Variants in TMEM63C observed in about 807,000 individuals in gnomAD.
The protein encoded by TMEM63C is osmosensitive cation channel TMEM63C.
In TMEM63C, 32 loss-of-function variants were observed where a neutral mutation model predicts 99.2. The ratio of observed to expected loss-of-function variants is 0.32; its 90% CI spans 0.24 to 0.43. The LOEUF is 0.43. Ranked by LOEUF, TMEM63C falls within the 20% of genes least tolerant of loss-of-function variation. The pLI is 1.00. For missense variants in TMEM63C, 826 were observed against 1,053.0 expected (o/e 0.78, Z 2.98); for synonymous variants, 376 against 397.9 (o/e 0.94, Z 0.66).
At chr14:77,203,670 C>T (rs1213858900) in intron 1 of TMEM63C, among the ~76,000 whole-genome samples, 1 of 152,278 alleles carries the variant, frequency 6.6e-6, no homozygotes, top group Non-Finnish European at 1.5e-5. Flanking sequence ...GGATCCCTGC[C>T]TCTTCAGCAC....
At chr14:77,198,325 G>A (rs766185703) in intron 1 of TMEM63C, among the ~76,000 whole-genome samples, 3 of 152,254 alleles carry the variant, frequency 2.0e-5, no homozygotes, top group Non-Finnish European at 2.9e-5. Context: ...CCCTCTGGCG[G>A]AAGAGAGGCC....
intron 2 of TMEM63C, among the ~76,000 whole-genome samples, chr14:77,214,747 T>A (rs772946829): frequency 6.6e-6 from 1 of 152,034 alleles, no homozygotes; most frequent in Non-Finnish European, 1.5e-5. Flanking sequence ...ATCCTTCTGA[T>A]ACTCAGCCGC....
intron 20 of TMEM63C, 86 bp from the exon 21 acceptor site, chr14:77,249,204 TG>T: frequency 1.4e-6 from 2 of 1,402,480 alleles, no homozygotes; most frequent in Non-Finnish European, 2.0e-6. Flanking sequence ...GCCGTGGATC[TG>T]GCTTCTCAGG....
intron 6 of TMEM63C, among the ~76,000 whole-genome samples, chr14:77,225,993 A>G (rs1888814488): frequency 6.6e-6 from 1 of 152,104 alleles, no homozygotes; most frequent in Non-Finnish European, 1.5e-5. Flanking sequence ...TTTCTCCTGC[A>G]AGCTGACCTC....
intron 10 of TMEM63C, among the ~76,000 whole-genome samples, chr14:77,239,175 G>A (rs1221968794): frequency 1.3e-5 from 2 of 152,240 alleles, no homozygotes; most frequent in Non-Finnish European, 2.9e-5. Context: ...GTTCCCCAGT[G>A]GGTGGAGCTC....
At position 77,196,823 on chromosome 14, in the gene TMEM63C, T is replaced by A. The variant is rs766343406; in HGVS notation, c.-77+14929T>A. On this transcript the variant is annotated intron_variant, in intron 1 of 23. Transcript: ENST00000298351. ...CTCAGAGGAATCAGGTGTAATCTTGTCAAAACAGCGCGGGAAGCCCTTTGG... is the reference window on the plus strand; with the variant it reads ...CTCAGAGGAATCAGGTGTAATCTTGACAAAACAGCGCGGGAAGCCCTTTGG... Among the ~76,000 whole-genome samples the A allele has an allele frequency of 1.6e-4, 25 of 152,176 alleles. 1 individual carries two copies. Among genetic ancestry groups the A allele is most frequent in the Admixed American group, 1.3e-4 (2 of 15,280 alleles).
intron 1 of TMEM63C, among the ~76,000 whole-genome samples, chr14:77,192,556 A>G (rs183160486): frequency 8.8e-4 from 134 of 152,314 alleles, no homozygotes; most frequent in African/African-American, 3.1e-3. Flanking sequence ...GCCCTACCAC[A>G]ATCCCTACAT....
At chr14:77,218,208 C>A (rs1355344622) in intron 2 of TMEM63C, among the ~76,000 whole-genome samples, 1 of 144,400 alleles carries the variant, frequency 6.9e-6, no homozygotes, top group Non-Finnish European at 1.5e-5. Context: ...AATATATACA[C>A]CTACTATGTA....
intron 8 of TMEM63C, 52 bp from the exon 9 acceptor site, chr14:77,236,572 G>A (rs1229631551): frequency 7.6e-7 from 1 of 1,321,228 alleles, no homozygotes. Flanking sequence ...TGTGCAGTGG[G>A]CTCTGGGGAG....
intron 8 of TMEM63C, among the ~76,000 whole-genome samples, chr14:77,234,642 G>A (rs150421735): frequency 8.1e-4 from 123 of 152,316 alleles, no homozygotes; most frequent in African/African-American, 2.9e-3. Flanking sequence ...CCAGGCACCA[G>A]GGGTATTTTG....
intron 1 of TMEM63C, among the ~76,000 whole-genome samples, chr14:77,186,431 T>C (rs969750763): frequency 1.3e-5 from 2 of 152,142 alleles, no homozygotes; most frequent in African/African-American, 2.4e-5. Flanking sequence ...AGGCCATGCA[T>C]GGTGGCTCAT....
At chr14:77,242,581 C>A in intron 14 of TMEM63C, 112 bp downstream of exon 14, 2 of 1,393,668 alleles carry the variant, frequency 1.4e-6, no homozygotes. Flanking sequence ...TCCAAGGGGA[C>A]TAAGTTCCAT....
rs1356975999 is a variant in TMEM63C, at chr14:77,191,521, T to G, written c.-77+9627T>G. Among the ~76,000 whole-genome samples the G allele has an allele frequency of 3.5e-5, 5 of 142,874 alleles. No homozygotes were observed. The Admixed American group carries it at 3.9e-4, about 11-fold the overall frequency. 93.7% of individuals were successfully genotyped at this position (142,874 alleles called of 152,430 possible). A position where few individuals can be genotyped will look rare whatever the true frequency, so the allele number is the denominator to read the frequency against. On this transcript the variant is annotated intron_variant, in intron 1 of 23. Coordinates refer to ENST00000298351, the MANE Select transcript of TMEM63C (RefSeq NM_020431.4). ...CTCCATTTTTTTTTTCTTTTCTTTC[T>G]TTTCTTTTTTCTTTTTCTTTTTTTT...
chr14:77,213,035 A>T (rs985736207), intron 1 of TMEM63C, among the ~76,000 whole-genome samples: 1 of 152,216 alleles, frequency 6.6e-6, no homozygotes, highest in Admixed American at 6.5e-5. Flanking sequence ...TTCTTGTTGA[A>T]TGAATGAATG....
intron 21 of TMEM63C, among the ~76,000 whole-genome samples, chr14:77,250,665 C>T (rs1474321633): frequency 6.6e-6 from 1 of 152,060 alleles, no homozygotes; most frequent in Non-Finnish European, 1.5e-5. Context: ...GTCTCGAACT[C>T]CTGAGCTCAG....
At position 77,245,956 on chromosome 14, in the gene TMEM63C, G is replaced by A; in HGVS notation, c.1465G>A (p.Val489Ile). ...TCCTTCTAGATCAAGTCAGAATCTG[G>A]TCATGGTGCACAAGTGCTACATCTT... ...AHWTRSSQNL[V>I]MVHKCYIFLV... The change falls in exon 17 of 24, where the codon GTC becomes ATC. Residue 489 changes from valine to isoleucine, a missense_variant. Val to Ile is a conservative substitution (Grantham distance 29). Transcript: ENST00000298351. The A allele has an allele frequency of 6.2e-7, 1 of 1,613,936 alleles. No individual in the cohort carries two copies. Among genetic ancestry groups the A allele is most frequent in the Non-Finnish European group, 8.5e-7 (1 of 1,179,846 alleles).
intron 1 of TMEM63C, among the ~76,000 whole-genome samples, chr14:77,199,578 G>A (rs548230295): frequency 5.7e-4 from 87 of 152,144 alleles, no homozygotes; most frequent in African/African-American, 1.8e-3. Flanking sequence ...TGGAAATCTC[G>A]CCCAGTCTCC....
At chr14:77,234,622 G>A (rs555150316) in intron 8 of TMEM63C, among the ~76,000 whole-genome samples, 79 of 152,338 alleles carry the variant, frequency 5.2e-4, no homozygotes, top group African/African-American at 1.7e-3. Flanking sequence ...TGGCAATGGC[G>A]TGTGAGGTGC....
chr14:77,194,334 ATATGTG>A (rs142978472), intron 1 of TMEM63C, among the ~76,000 whole-genome samples: 2,912 of 72,014 alleles, frequency 0.04, 105 homozygotes, highest in African/African-American at 0.091. Flanking sequence ...AGATATATAT[ATATGTG>A]TGTGTGTGTG....
Sources: allele counts gnomAD v4.1 joint callset (sites outside exome capture counted in the v4.1 genomes callset), GRCh38; gene constraint gnomAD v4.1.1; transcripts MANE v1.5; gene names NCBI Gene and HGNC (gene_info 2026-07-23, HGNC 2026-07-21).